Variants in FBLN5 observed in about 807,000 individuals in gnomAD.
FBLN5 encodes the protein fibulin-5.
Under a neutral mutation model 61.6 loss-of-function variants are expected in FBLN5, and 24 were observed. The observed-to-expected ratio is 0.39, with a 90% CI of 0.28 to 0.55. The LOEUF (loss-of-function observed/expected upper bound fraction) is 0.55, where lower values mean the gene tolerates loss of function less well. FBLN5 is among the 20% of genes least tolerant of loss of function. The probability of loss-of-function intolerance (pLI) is 0.65; values close to 1 mark genes in which losing one functional copy is unlikely to be tolerated. For synonymous variants in FBLN5, 213 were observed against 219.8 expected (o/e 0.97, Z 0.27); for missense variants, 470 against 594.1 (o/e 0.79, Z 2.17).
rs536262226 is a variant in FBLN5 at position 91,922,581 on chromosome 14, G to C, written c.379+14366C>G. ...CAGTGCCACCTGGCCCCCAGCCACT[G>C]TCTGCTCTCTGGAGAGAAATGAGAT... On this transcript the variant is annotated intron_variant, in intron 4 of 10. Transcript: ENST00000342058. 5.9e-5 allele frequency among the ~76,000 whole-genome samples: 9 copies of C among 152,296 alleles called. No individual in the cohort carries two copies. In the South Asian group the frequency reaches 1.9e-3, roughly 32 times the overall value.
At chr14:91,890,023 C>T (rs1889918800) in intron 6 of FBLN5, among the ~76,000 whole-genome samples, 1 of 152,188 alleles carries the variant, frequency 6.6e-6, no homozygotes, top group Non-Finnish European at 1.5e-5. Flanking sequence ...ATCACAGCAG[C>T]AAGGGAGCCA....
chr14:91,926,341 G>A (rs780194919), intron 4 of FBLN5, among the ~76,000 whole-genome samples: 4 of 152,128 alleles, frequency 2.6e-5, no homozygotes, highest in Non-Finnish European at 5.9e-5. Context: ...CTCTGATGAC[G>A]GGTCAGCCCA....
chr14:91,881,933 T>C (rs1416245337), intron 8 of FBLN5, among the ~76,000 whole-genome samples: 3 of 152,016 alleles, frequency 2.0e-5, no homozygotes, highest in Non-Finnish European at 4.4e-5. Flanking sequence ...CTGGCCAACA[T>C]GGTAAAATAC....
At chr14:91,870,702 C>T (rs1888882450) in intron 10 of FBLN5, among the ~76,000 whole-genome samples, 2 of 152,190 alleles carry the variant, frequency 1.3e-5, no homozygotes, top group South Asian at 4.1e-4. Flanking sequence ...TATGATTGTC[C>T]ATACTGTCTA....
intron 4 of FBLN5, among the ~76,000 whole-genome samples, chr14:91,923,121 G>A (rs2284343): frequency 0.02 from 3,060 of 152,282 alleles, 193 homozygotes; most frequent in East Asian, 0.2. Context: ...CAAGGCTGGA[G>A]GAAGCCTCAC....
chr14:91,919,430 G>GAAGGAAGGAAGA (rs2055693213), intron 4 of FBLN5, among the ~76,000 whole-genome samples: 1 of 150,416 alleles, frequency 6.6e-6, no homozygotes. Context: ...AGGAAGGAAG[G>GAAGGAAGGAAGA]AAGGATTACC....
In FBLN5 at chr14:91,870,230, T is replaced by C. The variant is rs145296787; in HGVS notation, c.1341A>G (p.Pro447=). ...IRLRIYVSQY[P]F ...GGAGGCTCCAGCCCGAGGCTCAGAA[T>C]GGGTACTGCGACACATATATCCGCA... is the stretch of plus-strand genomic sequence containing the variant. The change falls in exon 11 of 11, where the codon CCA becomes CCG. Residue 447 remains proline, a synonymous_variant. Transcript: ENST00000342058. The C allele has an allele frequency of 4.5e-4, 719 of 1,614,238 alleles. No individual in the cohort carries two copies. The highest frequency in any genetic ancestry group is 5.6e-4 in the Non-Finnish European group (660 of 1,180,030).
At chr14:91,883,664 A>AAAAAAAAAAAAAAAAAAAC (rs758858453) in intron 7 of FBLN5, among the ~76,000 whole-genome samples, 1 of 148,396 alleles carries the variant, frequency 6.7e-6, no homozygotes, top group African/African-American at 2.5e-5. Flanking sequence ...AAACAAAAAA[A>AAAAAAAAAAAAAAAAAAAC]ACACACACAC....
At chr14:91,937,317 G>T in intron 3 of FBLN5, 116 bp from the exon 4 acceptor site, 1 of 1,332,540 alleles carries the variant, frequency 7.5e-7, no homozygotes, top group South Asian at 1.3e-5. Flanking sequence ...CACCTAGGGT[G>T]GTCCCAACTC....
chr14:91,913,215 A>G (rs541939470), intron 4 of FBLN5, among the ~76,000 whole-genome samples: 307 of 152,312 alleles, frequency 2.0e-3, no homozygotes, highest in Non-Finnish European at 3.1e-3. Flanking sequence ...CACGAACCCA[A>G]CCAGCCCCTC....
chr14:91,936,384 A>G (rs567997589), intron 4 of FBLN5, among the ~76,000 whole-genome samples: 162 of 152,314 alleles, frequency 1.1e-3, no homozygotes, highest in African/African-American at 3.2e-3. Flanking sequence ...CCGGAGGTCC[A>G]TTCTTGCTGT....
intron 4 of FBLN5, among the ~76,000 whole-genome samples, chr14:91,925,829 G>A (rs2055818502): frequency 6.6e-6 from 1 of 152,206 alleles, no homozygotes; most frequent in Non-Finnish European, 1.5e-5. Context: ...GCTGGGTGCA[G>A]GACAGCCACA....
intron 4 of FBLN5, among the ~76,000 whole-genome samples, chr14:91,922,314 G>GTAAATAAATAAATAAA (rs3031542): frequency 7.0e-6 from 1 of 143,514 alleles, no homozygotes; most frequent in African/African-American, 2.6e-5. Flanking sequence ...TAATAATAAA[G>GTAAATAAATAAATAAA]TAAATAAATA....
chr14:91,881,120 T>TACACACACACAC (rs200128392), intron 9 of FBLN5, among the ~76,000 whole-genome samples, 172 bp downstream of exon 9: 1 of 61,552 alleles, frequency 1.6e-5, no homozygotes, highest in African/African-American at 7.1e-5. Flanking sequence ...TGTTCTATTC[T>TACACACACACAC]ACACACACAC....
chr14:91,881,670 G>A (rs1889478980), intron 8 of FBLN5, among the ~76,000 whole-genome samples: 1 of 152,160 alleles, frequency 6.6e-6, no homozygotes, highest in Non-Finnish European at 1.5e-5. Flanking sequence ...GCTTACGTCT[G>A]TAATCCCGGT....
intron 4 of FBLN5, among the ~76,000 whole-genome samples, chr14:91,910,642 AC>A (rs1286797908): frequency 3.3e-5 from 5 of 152,138 alleles, no homozygotes; most frequent in Non-Finnish European, 7.3e-5. Context: ...CAAAAACAAA[AC>A]CCCATAAAGA....
chr14:91,908,954 G>A (rs139443784), intron 4 of FBLN5, among the ~76,000 whole-genome samples: 1,819 of 151,258 alleles, frequency 0.012, 39 homozygotes, highest in African/African-American at 0.041. Flanking sequence ...AGTCTCACTC[G>A]TCGCTCAGGC....
At chr14:91,922,793 G>T (rs1674797599) in intron 4 of FBLN5, among the ~76,000 whole-genome samples, 2 of 152,140 alleles carry the variant, frequency 1.3e-5, no homozygotes, top group African/African-American at 4.8e-5. Context: ...AATTATAAAG[G>T]CAGTGTCAGA....
chr14:91,921,083 C>T (rs566628232), intron 4 of FBLN5, among the ~76,000 whole-genome samples: 4 of 152,192 alleles, frequency 2.6e-5, no homozygotes, highest in Non-Finnish European at 4.4e-5. Context: ...AGATGTCCTG[C>T]GGCTTCGTTG....
Sources: gnomAD v4.1 joint callset for allele counts (sites outside exome capture counted in the v4.1 genomes callset) on GRCh38, gnomAD v4.1.1 for gene constraint, MANE v1.5 for transcripts, NCBI Gene and HGNC (gene_info 2026-07-23, HGNC 2026-07-21) for gene names.